CDH23: variants seen among roughly 807,000 people sequenced by gnomAD.
CDH23 encodes the protein cadherin related 23, also known as cadherin-23.
In CDH23, 189 loss-of-function variants were observed where a neutral mutation model predicts 317.1. The ratio of observed to expected loss-of-function variants is 0.60; its 90% CI spans 0.53 to 0.67. The LOEUF is 0.67. Among genes scored for constraint, CDH23 ranks in the 30% least tolerant of loss-of-function variants. The pLI is 0.00. For missense variants in CDH23, 4,401 were observed against 4,592.4 expected (o/e 0.96, Z 1.20); for synonymous variants, 1,839 against 1,876.8 (o/e 0.98, Z 0.52).
chr10:71,592,955 A>C (rs1003847596), intron 9 of CDH23, among the ~76,000 whole-genome samples: 1 of 152,104 alleles, frequency 6.6e-6, no homozygotes, highest in South Asian at 2.1e-4. Context: ...TAGTTATCCC[A>C]TTCTGAGTTT....
rs766464511 is a variant in CDH23 at position 71,799,476 on chromosome 10, G to A, written c.7225-16G>A. ...TGACCTTGGCCTACTCTCTCTCCCT[G>A]CCCCCTGGGCTCCAGGAGGCTGTCT... On this transcript the variant is annotated splice_polypyrimidine_tract_variant and intron_variant, in intron 51 of 69. Transcript: ENST00000224721. 3 of 1,613,770 alleles carry A rather than the reference G, an allele frequency of 1.9e-6. No homozygotes were observed. The highest frequency in any genetic ancestry group is 2.5e-6 in the Non-Finnish European group (3 of 1,179,880).
At position 71,734,320 on chromosome 10, in the gene CDH23, C is replaced by T. The variant is rs1316962236; in HGVS notation, c.4185C>T (p.Gly1395=). ...TGACAGTGGTGGCAGATGACGGCGGCCCCAAGGTGGACTCCACCGTGGTGA... is the reference window on the plus strand; with the variant it reads ...TGACAGTGGTGGCAGATGACGGCGGTCCCAAGGTGGACTCCACCGTGGTGA... ...YTLTVVADDG[G]PKVDSTVKVY... The change falls in exon 33 of 70, where the codon GGC becomes GGT. Residue 1395 remains glycine (G), a synonymous_variant. Coordinates refer to ENST00000224721, the MANE Select transcript of CDH23 (RefSeq NM_022124.6). 3 of 1,610,504 alleles carry T rather than the reference C, an allele frequency of 1.9e-6. No individual in the cohort carries two copies. Among genetic ancestry groups the T allele is most frequent in the African/African-American group, 2.7e-5 (2 of 74,894 alleles).
chr10:71,741,004 C>T lies in CDH23; in HGVS notation c.4617+54C>T, dbSNP rs113737338. ...TGGACATACGGGGGGACCGTGGGCA[C>T]GAGCCAACCATGCAGCCCCTGTTTA... On this transcript the variant is annotated intron_variant, in intron 37 of 69. Coordinates refer to ENST00000224721, the MANE Select transcript of CDH23 (RefSeq NM_022124.6). 4.3e-3 allele frequency: 6,846 copies of T among 1,604,926 alleles called. 260 individuals carry two copies. In the African/African-American group the frequency reaches 0.078, roughly 18 times the overall value.
At chr10:71,765,760 A>C (rs573701329) in intron 38 of CDH23, among the ~76,000 whole-genome samples, 1 of 152,120 alleles carries the variant, frequency 6.6e-6, no homozygotes, top group African/African-American at 2.4e-5. Context: ...CACAGGTCCC[A>C]AAGGAGTTGT....
At chr10:71,710,802 G>A (rs1019236646) in intron 27 of CDH23, among the ~76,000 whole-genome samples, 6 of 152,246 alleles carry the variant, frequency 3.9e-5, no homozygotes, top group East Asian at 1.9e-4. Flanking sequence ...ACAAGCATGC[G>A]TGCATGCACC....
intron 33 of CDH23, 68 bp downstream of exon 33, chr10:71,734,409 T>C: frequency 6.6e-7 from 1 of 1,511,640 alleles, no homozygotes; most frequent in Non-Finnish European, 9.0e-7. Context: ...TCCTAACCCA[T>C]GTCCTCGCCA....
intron 1 of CDH23, among the ~76,000 whole-genome samples, chr10:71,399,019 G>A (rs1046573459): frequency 6.6e-6 from 1 of 152,206 alleles, no homozygotes; most frequent in African/African-American, 2.4e-5. Context: ...TTGATTTGAG[G>A]GTTGTGATAG....
intron 30 of CDH23, among the ~76,000 whole-genome samples, chr10:71,727,705 C>A (rs1866880998): frequency 6.6e-6 from 1 of 152,184 alleles, no homozygotes; most frequent in South Asian, 2.1e-4. Flanking sequence ...ACCTCCTCTC[C>A]CTGTCCTCCT....
intron 7 of CDH23, among the ~76,000 whole-genome samples, chr10:71,569,021 G>T (rs943513015): frequency 1.2e-4 from 19 of 152,226 alleles, no homozygotes; most frequent in African/African-American, 4.6e-4. Flanking sequence ...TGTCCAAGAG[G>T]TCAGGGGACT....
At chr10:71,513,623 G>A (rs1022704285) in intron 6 of CDH23, among the ~76,000 whole-genome samples, 5 of 152,216 alleles carry the variant, frequency 3.3e-5, no homozygotes, top group Non-Finnish European at 5.9e-5. Flanking sequence ...GAGGAGGTGG[G>A]TTTCCAGCAG....
At position 71,577,985 on chromosome 10, in the gene CDH23, C is replaced by T. The variant is rs376436182; in HGVS notation, c.825C>T (p.Ile275=). The T allele has an allele frequency of 7.3e-5, 116 of 1,598,606 alleles. No homozygotes were observed. Among genetic ancestry groups the T allele is most frequent in the African/African-American group, 2.3e-4 (17 of 74,704 alleles). ...KGRPRGIGYT[I]VSGNTNSIFA... ...GTCCCCGGGGCATTGGCTACACCAT[C>T]GTTTCAGGTAAGACAGAAGGCTGCC... Residue 275 remains isoleucine, a synonymous_variant, in exon 9 of 70, where the codon ATC becomes ATT. Coordinates refer to ENST00000224721, the MANE Select transcript of CDH23 (RefSeq NM_022124.6).
intron 3 of CDH23, among the ~76,000 whole-genome samples, chr10:71,469,684 C>A (rs571346880): frequency 6.6e-6 from 1 of 152,160 alleles, no homozygotes; most frequent in East Asian, 1.9e-4. Context: ...CAGCTCGCTG[C>A]AACCTGTACC....
chr10:71,398,378 A>T (rs1465062868), intron 1 of CDH23, among the ~76,000 whole-genome samples: 1 of 151,090 alleles, frequency 6.6e-6, no homozygotes, highest in Non-Finnish European at 1.5e-5. Flanking sequence ...GCCCCTTGGG[A>T]AGTGCCCCAA....
chr10:71,684,743 A>T (rs1372473992), intron 18 of CDH23, among the ~76,000 whole-genome samples: 1 of 152,170 alleles, frequency 6.6e-6, no homozygotes, highest in Non-Finnish European at 1.5e-5. Context: ...GGGAGTTCCC[A>T]TGAGTGGGCT....
In CDH23 at chr10:71,760,234, TATAC is replaced by T. The variant is rs371171836; in HGVS notation, c.4846-17442_4846-17439del. Among the ~76,000 whole-genome samples, 234 of 38,888 alleles carry T rather than the reference TATAC, an allele frequency of 6.0e-3. 74 individuals carry two copies. Among genetic ancestry groups the T allele is most frequent in the African/African-American group, 0.019 (216 of 11,464 alleles). 25.5% of individuals were successfully genotyped at this position (38,888 alleles called of 152,430 possible). ...GTGTATATATGTGTATATATATGTA[TATAC>T]ATATATATGTATGTATATATATGTA... On this transcript the variant is annotated intron_variant, in intron 38 of 69. Coordinates refer to ENST00000224721, the MANE Select transcript of CDH23 (RefSeq NM_022124.6).
intron 11 of CDH23, among the ~76,000 whole-genome samples, chr10:71,631,172 G>A (rs1454525313): frequency 1.3e-5 from 2 of 152,222 alleles, no homozygotes; most frequent in African/African-American, 2.4e-5. Flanking sequence ...TCAGCCCGGA[G>A]ATTTAGGCTG....
intron 3 of CDH23, among the ~76,000 whole-genome samples, chr10:71,509,089 C>T (rs555818430): frequency 6.6e-6 from 1 of 152,184 alleles, no homozygotes; most frequent in South Asian, 2.1e-4. Context: ...GCTTTGCTTC[C>T]TGGTAAGGGA....
At chr10:71,521,749 C>G (rs879603354) in intron 6 of CDH23, among the ~76,000 whole-genome samples, 1 of 152,222 alleles carries the variant, frequency 6.6e-6, no homozygotes, top group Non-Finnish European at 1.5e-5. Flanking sequence ...GGGCCGGCCC[C>G]GGCTCTTCAC....
At chr10:71,754,770 T>C (rs892310524) in intron 38 of CDH23, among the ~76,000 whole-genome samples, 6 of 152,166 alleles carry the variant, frequency 3.9e-5, no homozygotes, top group Non-Finnish European at 8.8e-5. Flanking sequence ...ATTTTTATTA[T>C]ATGGTGGACT....
Sources: gnomAD v4.1 joint callset for allele counts (sites outside exome capture counted in the v4.1 genomes callset) on GRCh38, gnomAD v4.1.1 for gene constraint, MANE v1.5 for transcripts, NCBI Gene and HGNC (gene_info 2026-07-23, HGNC 2026-07-21) for gene names.